Variants in CCBE1 observed in about 807,000 individuals in gnomAD.
CCBE1 encodes the protein collagen and calcium binding EGF domains 1, also known as collagen and calcium-binding EGF domain-containing protein 1.
Under a neutral mutation model 50.0 loss-of-function variants are expected in CCBE1, and 37 were observed. The observed-to-expected ratio is 0.74, with a 90% CI of 0.57 to 0.97. The LOEUF (loss-of-function observed/expected upper bound fraction) is 0.97, where lower values mean the gene tolerates loss of function less well. CCBE1 is among the 50% of genes least tolerant of loss of function. The probability of loss-of-function intolerance (pLI) is 0.00; values close to 1 mark genes in which losing one functional copy is unlikely to be tolerated. For synonymous variants in CCBE1, 234 were observed against 203.7 expected (o/e 1.15, Z -1.27); for missense variants, 538 against 523.8 (o/e 1.03, Z -0.26).
chr18:59,542,057 C>G (rs1915487920), intron 2 of CCBE1, among the ~76,000 whole-genome samples: 1 of 151,596 alleles, frequency 6.6e-6, no homozygotes, highest in Non-Finnish European at 1.5e-5. Flanking sequence ...GTCTGTAGTC[C>G]CAGCTACACC....
chr18:59,533,721 G>T (rs1915137642), intron 2 of CCBE1, among the ~76,000 whole-genome samples: 1 of 152,018 alleles, frequency 6.6e-6, no homozygotes, highest in African/African-American at 2.4e-5. Flanking sequence ...TTCCTCCCCT[G>T]TACCATGCAT....
intron 2 of CCBE1, among the ~76,000 whole-genome samples, chr18:59,667,145 T>C (rs1376326779): frequency 2.0e-5 from 3 of 151,780 alleles, no homozygotes; most frequent in African/African-American, 7.3e-5. Context: ...GGCATACGTC[T>C]ATAGTCCCAG....
chr18:59,551,316 T>C (rs754768836), intron 2 of CCBE1, among the ~76,000 whole-genome samples: 58 of 152,102 alleles, frequency 3.8e-4, no homozygotes, highest in Non-Finnish European at 7.2e-4. Context: ...ATATAAAAAA[T>C]GATATACCTA....
intron 5 of CCBE1, among the ~76,000 whole-genome samples, chr18:59,463,067 A>G (rs1485020762): frequency 1.5e-4 from 23 of 152,248 alleles, no homozygotes; most frequent in Admixed American, 1.4e-3. Context: ...TACTTGAAAA[A>G]TATTTAAGAA....
At chr18:59,563,150 G>GAGGTAA (rs1395970538) in intron 2 of CCBE1, among the ~76,000 whole-genome samples, 1 of 152,206 alleles carries the variant, frequency 6.6e-6, no homozygotes, top group Non-Finnish European at 1.5e-5. Context: ...GGCAACTGCA[G>GAGGTAA]AGGTAAAGGT....
intron 2 of CCBE1, among the ~76,000 whole-genome samples, chr18:59,613,863 G>GTTTTTTTTTTTTT (rs34847608): frequency 1.0e-5 from 1 of 98,448 alleles, no homozygotes; most frequent in Non-Finnish European, 1.9e-5. Flanking sequence ...TCTCTGATGG[G>GTTTTTTTTTTTTT]TTTTTTTTTT....
At chr18:59,482,020 T>C (rs1180578767) in intron 2 of CCBE1, among the ~76,000 whole-genome samples, 1 of 152,144 alleles carries the variant, frequency 6.6e-6, no homozygotes, top group Non-Finnish European at 1.5e-5. Context: ...ATGCGTTAGG[T>C]ATTTGTCCTA....
At chr18:59,550,174 G>A (rs1915862373) in intron 2 of CCBE1, among the ~76,000 whole-genome samples, 1 of 152,008 alleles carries the variant, frequency 6.6e-6, no homozygotes, top group Admixed American at 6.6e-5. Flanking sequence ...ACCACCACAA[G>A]CTCTGGAGCA....
intron 3 of CCBE1, among the ~76,000 whole-genome samples, chr18:59,478,692 G>A (rs1162510429): frequency 6.6e-6 from 1 of 152,192 alleles, no homozygotes; most frequent in Non-Finnish European, 1.5e-5. Context: ...TTTTAATTAG[G>A]TTGGGCAAGG....
intron 7 of CCBE1, among the ~76,000 whole-genome samples, chr18:59,442,276 T>C (rs1004347176): frequency 2.0e-5 from 3 of 152,218 alleles, no homozygotes; most frequent in Admixed American, 6.5e-5. Flanking sequence ...CAGTGCTGTG[T>C]CGATACGGGC....
chr18:59,606,013 T>C (rs2053493364), intron 2 of CCBE1, among the ~76,000 whole-genome samples: 1 of 152,170 alleles, frequency 6.6e-6, no homozygotes, highest in African/African-American at 2.4e-5. Context: ...ACGTCACTGC[T>C]CTCAAGCAAC....
intron 2 of CCBE1, among the ~76,000 whole-genome samples, chr18:59,547,065 G>GAC (rs1915721223): frequency 9.3e-6 from 1 of 107,540 alleles, no homozygotes; most frequent in Admixed American, 8.8e-5. Flanking sequence ...GAGAGAGGGG[G>GAC]AGAGAGGGGG....
At chr18:59,486,658 C>T (rs1463119634) in intron 2 of CCBE1, among the ~76,000 whole-genome samples, 1 of 152,096 alleles carries the variant, frequency 6.6e-6, no homozygotes, top group Non-Finnish European at 1.5e-5. Flanking sequence ...CCCTGCAGAA[C>T]CTCAGCAAGG....
intron 2 of CCBE1, among the ~76,000 whole-genome samples, chr18:59,671,568 C>G (rs866020353): frequency 6.6e-6 from 1 of 151,012 alleles, no homozygotes; most frequent in Non-Finnish European, 1.5e-5. Flanking sequence ...AGGGAGGAGA[C>G]AGTCTTCAGC....
intron 2 of CCBE1, among the ~76,000 whole-genome samples, chr18:59,639,461 A>G (rs2144641984): frequency 6.6e-6 from 1 of 152,368 alleles, no homozygotes; most frequent in East Asian, 1.9e-4. Context: ...CATGTTAAAA[A>G]ATCAACAAAT....
intron 2 of CCBE1, among the ~76,000 whole-genome samples, chr18:59,642,479 A>AG (rs1230744083): frequency 6.6e-6 from 1 of 152,208 alleles, no homozygotes; most frequent in African/African-American, 2.4e-5. Flanking sequence ...GACATCCTCT[A>AG]GAAAAACTTG....
chr18:59,452,689 G>A (rs1284540701), intron 6 of CCBE1, among the ~76,000 whole-genome samples: 5 of 152,188 alleles, frequency 3.3e-5, no homozygotes, highest in South Asian at 2.1e-4. Flanking sequence ...CCTCTCGGAC[G>A]GTTATTGCAC....
At chr18:59,560,947 A>G (rs185594276) in intron 2 of CCBE1, among the ~76,000 whole-genome samples, 1 of 152,380 alleles carries the variant, frequency 6.6e-6, no homozygotes, top group East Asian at 1.9e-4. Flanking sequence ...CTAATGCAAG[A>G]TAAGGCCATG....
chr18:59,621,474 T>C (rs1370001310), intron 2 of CCBE1, among the ~76,000 whole-genome samples: 1 of 152,188 alleles, frequency 6.6e-6, no homozygotes, highest in Non-Finnish European at 1.5e-5. Flanking sequence ...AGCCATTCCT[T>C]GTACACAGAG....
Sources: allele counts gnomAD v4.1 joint callset (sites outside exome capture counted in the v4.1 genomes callset), GRCh38; gene constraint gnomAD v4.1.1; transcripts MANE v1.5; gene names NCBI Gene and HGNC (gene_info 2026-07-23, HGNC 2026-07-21).